Variants in SHPRH observed in about 807,000 individuals in gnomAD.
SHPRH encodes SNF2 histone linker PHD RING helicase.
Under a neutral mutation model 202.5 loss-of-function variants are expected in SHPRH, and 106 were observed. The ratio of observed to expected loss-of-function variants is 0.52; its 90% confidence interval spans 0.45 to 0.62. SHPRH has a LOEUF of 0.62. Ranked by LOEUF, SHPRH falls within the 20% of genes least tolerant of loss-of-function variation. SHPRH has a pLI of 0.00. For missense variants in SHPRH, 1,710 were observed against 2,020.0 expected (o/e 0.85, Z 2.94); for synonymous variants, 729 against 686.0 (o/e 1.06, Z -0.98).
downstream of SHPRH, chr6:145,884,482 T>C (rs1273440183): frequency 6.6e-6 from 1 of 152,190 alleles, no homozygotes; most frequent in East Asian, 1.9e-4. Flanking sequence ...CTCTAACAAT[T>C]GCGGCTATCT....
chr6:145,874,879 C>G (rs1260152908), intron 2 of SHPRH, among the ~76,000 whole-genome samples: 1 of 152,128 alleles, frequency 6.6e-6, no homozygotes, highest in East Asian at 1.9e-4. Flanking sequence ...GCATAATATT[C>G]TGAATATTTA....
rs1474480628 is a variant in SHPRH, at chr6:145,955,160, T to C, written c.163A>G (p.Ile55Val). Residue 55 changes from isoleucine to valine, a missense_variant, in exon 2 of 30, where the codon ATC becomes GTC. Ile to Val is a conservative substitution (Grantham distance 29). This residue lies in a region of SHPRH where 459 missense variants were observed against 426.5 expected (regional missense o/e 1.08). Transcript: ENST00000275233. ...TCCTTTAGACTATCACTTAGAATGATATAATGAGCAGAAGAGGTATCTGAA... is the reference window on the plus strand; with the variant it reads ...TCCTTTAGACTATCACTTAGAATGACATAATGAGCAGAAGAGGTATCTGAA... ...PGSDTSSAHYIILSDSLKEEV... is the reference protein window; with the variant it reads ...PGSDTSSAHYVILSDSLKEEV... 1.9e-6 allele frequency: 3 copies of C among 1,613,874 alleles called. No homozygotes were observed. The highest frequency in any genetic ancestry group is 2.5e-6 in the Non-Finnish European group (3 of 1,179,964).
intron 2 of SHPRH, among the ~76,000 whole-genome samples, chr6:145,877,125 C>T (rs1562274339): frequency 6.6e-6 from 1 of 152,138 alleles, no homozygotes; most frequent in Non-Finnish European, 1.5e-5. Context: ...CTCCAGGTAC[C>T]TGCCAGACTG....
intron 27 of SHPRH, 90 bp from the exon 28 acceptor site, chr6:145,893,483 T>C: frequency 1.7e-6 from 2 of 1,165,296 alleles, no homozygotes; most frequent in Middle Eastern, 2.5e-4. Flanking sequence ...TCTAATGCTA[T>C]CTATTACTAT....
intron 25 of SHPRH, chr6:145,910,072 C>G (rs1379846165): frequency 2.5e-5 from 4 of 160,924 alleles, no homozygotes; most frequent in Non-Finnish European, 4.1e-5. Flanking sequence ...ATCCTTTTTT[C>G]CTTACATTCA....
At position 145,894,949 on chromosome 6, in the gene SHPRH, A is replaced by G; in HGVS notation, c.4544T>C (p.Val1515Ala). The G allele has an allele frequency of 6.2e-7, 1 of 1,613,036 alleles. No homozygotes were observed. Among genetic ancestry groups the G allele is most frequent in the Non-Finnish European group, 8.5e-7 (1 of 1,179,302 alleles). The change falls in exon 26 of 30, where the codon GTG becomes GCG. Residue 1515 changes from valine to alanine, a missense_variant. Val to Ala is a moderately conservative substitution (Grantham distance 64, BLOSUM62 0). Transcript: ENST00000275233. The stretch of plus-strand genomic sequence containing the variant: ...CTGTATTTTCATCAGAGTTCTGACC[A>G]CAGCTTCCACTTTTGTAGAATGGCT... ...KGSHSTKVEA[V>A]VRTLMKIQLR... is the part of the protein sequence containing the mutation.
At chr6:145,951,209 G>T (rs1483847836) in intron 3 of SHPRH, among the ~76,000 whole-genome samples, 1 of 151,940 alleles carries the variant, frequency 6.6e-6, no homozygotes, top group Non-Finnish European at 1.5e-5. Context: ...TAAAAACCTT[G>T]AACATATTTA....
At chr6:145,871,793 A>G (rs972170312) in intron 2 of SHPRH, among the ~76,000 whole-genome samples, 2 of 152,224 alleles carry the variant, frequency 1.3e-5, no homozygotes, top group African/African-American at 4.8e-5. Context: ...CTGACTTCAA[A>G]CTATACGATA....
intron 24 of SHPRH, among the ~76,000 whole-genome samples, chr6:145,912,278 C>A (rs967920894): frequency 6.6e-6 from 1 of 151,770 alleles, no homozygotes; most frequent in Admixed American, 6.6e-5. Flanking sequence ...AAAAAAAATA[C>A]GGCTACTATA....
At chr6:145,927,421 T>C in intron 14 of SHPRH, 144 bp from the exon 15 acceptor site, 1 of 663,790 alleles carries the variant, frequency 1.5e-6, no homozygotes, top group Non-Finnish European at 2.4e-6. Context: ...TGACTTGGTA[T>C]TAATATGATT....
chr6:145,932,480 AACACTATAACTTT>A (rs149371645), intron 14 of SHPRH, among the ~76,000 whole-genome samples: 5,645 of 152,244 alleles, frequency 0.037, 132 homozygotes, highest in Middle Eastern at 0.058. Flanking sequence ...CATAATATAT[AACACTATAACTTT>A]ACACATATAC....
At chr6:145,896,411 A>T (rs961080755) in intron 25 of SHPRH, among the ~76,000 whole-genome samples, 1 of 152,096 alleles carries the variant, frequency 6.6e-6, no homozygotes, top group Non-Finnish European at 1.5e-5. Context: ...CAGGAAAACT[A>T]TGAATCCTTC....
At chr6:145,941,580 C>G (rs760278896) in intron 10 of SHPRH, 43 bp downstream of exon 10, 1 of 1,605,708 alleles carries the variant, frequency 6.2e-7, no homozygotes, top group South Asian at 1.1e-5. Context: ...TTCCTTTTCA[C>G]CCTTCTTCCC....
At chr6:145,924,903 T>G in intron 16 of SHPRH, 57 bp from the exon 17 acceptor site, 1 of 1,412,934 alleles carries the variant, frequency 7.1e-7, no homozygotes, top group Non-Finnish European at 9.9e-7. Flanking sequence ...TAATTCAGTA[T>G]GATGTTTCAA....
chr6:145,869,825 T>TC (rs1276495730), intron 2 of SHPRH, among the ~76,000 whole-genome samples: 5 of 151,308 alleles, frequency 3.3e-5, no homozygotes, highest in African/African-American at 4.8e-5. Flanking sequence ...TTTTCTTTTT[T>TC]TTTTTTTTGC....
chr6:145,869,398 CAA>C (rs1290624735), intron 2 of SHPRH, among the ~76,000 whole-genome samples: 5 of 152,098 alleles, frequency 3.3e-5, no homozygotes, highest in African/African-American at 1.2e-4. Context: ...GTAGTGTAGT[CAA>C]AAAGTCATTG....
At position 145,886,798 on chromosome 6, in the gene SHPRH, TCC is replaced by T; in HGVS notation, c.4956-13_4956-12del. The T allele has an allele frequency of 6.2e-7, 1 of 1,611,360 alleles. No individual in the cohort carries two copies. Among genetic ancestry groups the T allele is most frequent in the Non-Finnish European group, 8.5e-7 (1 of 1,178,934 alleles). ...GATGAGTTCGTGTGACTGCAAGGTT[TCC>T]CAAATGAGCACAGTCAGAAAGAAAC... On this transcript the variant is annotated splice_polypyrimidine_tract_variant and intron_variant, in intron 29 of 29. Transcript: ENST00000275233.
At chr6:145,878,937 T>C (rs1780429237) in intron 2 of SHPRH, among the ~76,000 whole-genome samples, 2 of 152,206 alleles carry the variant, frequency 1.3e-5, no homozygotes, top group African/African-American at 4.8e-5. Flanking sequence ...GATATCAAAA[T>C]CAAGGAATAA....
rs1002936387 is a variant in SHPRH, at chr6:145,927,080, C to T, written c.3201+109G>A. ...TGAGAAGACTGAATCCCAAGTTTCACCCAGTGATTATGACTGTTTGTTACC... is the reference window on the plus strand; with the variant it reads ...TGAGAAGACTGAATCCCAAGTTTCATCCAGTGATTATGACTGTTTGTTACC... On this transcript the variant is annotated intron_variant, in intron 15 of 29. Transcript: ENST00000275233. 22 of 934,352 alleles carry T rather than the reference C, an allele frequency of 2.4e-5. No individual in the cohort carries two copies. In the African/African-American group the frequency reaches 3.5e-4, roughly 15 times the overall value. 57.9% of individuals were successfully genotyped at this position (934,352 alleles called of 1,614,324 possible).
Sources: gnomAD v4.1 joint callset for allele counts (sites outside exome capture counted in the v4.1 genomes callset) on GRCh38, gnomAD v4.1.1 for gene constraint, gnomAD v4.1.1 regional missense constraint, MANE v1.5 for transcripts, NCBI Gene and HGNC (gene_info 2026-07-23, HGNC 2026-07-21) for gene names.